BACH2: variants seen among roughly 807,000 people sequenced by gnomAD.
BACH2 encodes the protein transcription regulator protein BACH2.
A neutral mutation model predicts 61.8 loss-of-function variants in BACH2; 5 were observed. The observed-to-expected ratio is 0.08, with a 90% CI of 0.04 to 0.17. BACH2 has a LOEUF of 0.17. Among genes scored for constraint, BACH2 ranks in the 10% least tolerant of loss-of-function variants. BACH2 has a pLI of 1.00. For missense variants in BACH2, 824 were observed against 1,091.1 expected (o/e 0.76, Z 3.45); for synonymous variants, 446 against 440.1 (o/e 1.01, Z -0.17).
At chr6:90,230,388 T>C (rs529221680) in intron 3 of BACH2, among the ~76,000 whole-genome samples, 3 of 152,296 alleles carry the variant, frequency 2.0e-5, no homozygotes, top group Admixed American at 6.5e-5. Flanking sequence ...TGTGAATATG[T>C]CCTAAGGATT....
rs1306573377 is a variant in BACH2 at position 89,931,074 on chromosome 6, A to C, written c.*1334T>G. The stretch of plus-strand genomic sequence containing the variant: ...AGGGGAGCAGGTCCTACTGCACAAC[A>C]CTTCCAAGAGCAAGCCGAGGCCTCA... On this transcript the variant is annotated 3_prime_UTR_variant, in exon 9 of 9. Transcript: ENST00000257749. The C allele has an allele frequency of 6.6e-6, 1 of 152,396 alleles. No individual in the cohort carries two copies. Among genetic ancestry groups the C allele is most frequent in the Non-Finnish European group, 1.5e-5 (1 of 68,070 alleles). The allele number at this position is 152,396 out of a possible 1,614,324, so 9.4% of individuals were successfully genotyped here.
intron 5 of BACH2, among the ~76,000 whole-genome samples, chr6:90,076,260 G>C (rs762937787): frequency 6.6e-6 from 1 of 152,022 alleles, no homozygotes; most frequent in African/African-American, 2.4e-5. Context: ...GAGCGAATGA[G>C]GATTAAATCT....
At chr6:90,056,576 T>C (rs1438651999) in intron 5 of BACH2, among the ~76,000 whole-genome samples, 3 of 151,906 alleles carry the variant, frequency 2.0e-5, no homozygotes, top group Admixed American at 1.3e-4. Flanking sequence ...GACAGAAAGT[T>C]AACAAGGATA....
At position 90,136,917 on chromosome 6, in the gene BACH2, G is replaced by A. The variant is rs890298528; in HGVS notation, c.-161-47808C>T. Among the ~76,000 whole-genome samples, 5 of 151,782 alleles carry A rather than the reference G, an allele frequency of 3.3e-5. 1 individual carries two copies. The South Asian group carries it at 6.2e-4, about 19-fold the overall frequency. On this transcript the variant is annotated intron_variant, in intron 4 of 8. Transcript: ENST00000257749. ...ATGTGAGAAAGACTTGGACTTATGT[G>A]AAGAAGCTAACAGATGTGCAAAAAT...
intron 4 of BACH2, among the ~76,000 whole-genome samples, chr6:90,205,275 C>A (rs573136333): frequency 1.3e-5 from 2 of 152,312 alleles, no homozygotes; most frequent in Non-Finnish European, 2.9e-5. Flanking sequence ...ACAATCCATA[C>A]AACAGGCCCA....
At chr6:90,124,349 A>C (rs1450991590) in intron 4 of BACH2, among the ~76,000 whole-genome samples, 1 of 152,240 alleles carries the variant, frequency 6.6e-6, no homozygotes, top group Non-Finnish European at 1.5e-5. Context: ...CAGATTCACC[A>C]TCTCAGGAAA....
In BACH2 at chr6:90,013,006, T is replaced by C. The variant is rs555131197; in HGVS notation, c.-12-4150A>G. Among the ~76,000 whole-genome samples, 8 of 152,316 alleles carry C rather than the reference T, an allele frequency of 5.3e-5. No individual in the cohort carries two copies. The South Asian group carries it at 1.7e-3, about 32-fold the overall frequency. On this transcript the variant is annotated intron_variant, in intron 5 of 8. Transcript: ENST00000257749. ...GGTCTTTTATACCTCTTTTGTCAGATTTATACCTAAGTATGAATATTTTTG... is the reference window on the plus strand; with the variant it reads ...GGTCTTTTATACCTCTTTTGTCAGACTTATACCTAAGTATGAATATTTTTG...
At chr6:90,242,685 C>A (rs750834260) in intron 3 of BACH2, among the ~76,000 whole-genome samples, 1 of 152,176 alleles carries the variant, frequency 6.6e-6, no homozygotes, top group Non-Finnish European at 1.5e-5. Context: ...TTGTACCAAT[C>A]TATCATTTTC....
At chr6:90,219,523 C>G (rs1330180211) in intron 3 of BACH2, among the ~76,000 whole-genome samples, 5 of 152,190 alleles carry the variant, frequency 3.3e-5, no homozygotes, top group Non-Finnish European at 5.9e-5. Context: ...GAATTCTCTG[C>G]CATTCATCAC....
chr6:90,134,428 G>A (rs1397825547), intron 4 of BACH2, among the ~76,000 whole-genome samples: 1 of 152,194 alleles, frequency 6.6e-6, no homozygotes, highest in Non-Finnish European at 1.5e-5. Context: ...GAAGAGTGAT[G>A]AAGGCTGACA....
In BACH2 at chr6:90,123,577, C is replaced by T. The variant is rs538309637; in HGVS notation, c.-161-34468G>A. Among the ~76,000 whole-genome samples the T allele has an allele frequency of 6.0e-3, 914 of 151,344 alleles. 5 individuals are homozygous for T. Among genetic ancestry groups the T allele is most frequent in the African/African-American group, 0.021 (868 of 41,210 alleles). On this transcript the variant is annotated intron_variant, in intron 4 of 8. Transcript: ENST00000257749. ...CGAGGTCAGGAGATCGAGACCATCC[C>T]AGCTAAAACGGTGAAACCCCGTCTC...
At chr6:90,100,907 C>A (rs1460749339) in intron 4 of BACH2, among the ~76,000 whole-genome samples, 1 of 152,132 alleles carries the variant, frequency 6.6e-6, no homozygotes, top group Non-Finnish European at 1.5e-5. Context: ...ACATCCTCAC[C>A]AACACTTATT....
intron 5 of BACH2, among the ~76,000 whole-genome samples, chr6:90,071,766 A>C (rs1448160697): frequency 6.6e-6 from 1 of 152,226 alleles, no homozygotes; most frequent in Non-Finnish European, 1.5e-5. Flanking sequence ...TGAAAGCCTC[A>C]CTGATAACAT....
chr6:90,006,963 G>A (rs1011873768), intron 6 of BACH2, among the ~76,000 whole-genome samples: 1 of 152,176 alleles, frequency 6.6e-6, no homozygotes, highest in Non-Finnish European at 1.5e-5. Context: ...CTCAGCAGGG[G>A]TAATAGCAGA....
chr6:90,119,264 T>C (rs921197963), intron 4 of BACH2, among the ~76,000 whole-genome samples: 2 of 152,224 alleles, frequency 1.3e-5, no homozygotes, highest in African/African-American at 2.4e-5. Context: ...GATTCAGTCA[T>C]GATTCTTCCA....
chr6:89,968,354 T>C (rs1775157580), intron 6 of BACH2, among the ~76,000 whole-genome samples: 2 of 152,240 alleles, frequency 1.3e-5, no homozygotes, highest in Non-Finnish European at 2.9e-5. Flanking sequence ...TGATTAGAAA[T>C]TCCTCAAAGT....
intron 1 of BACH2, among the ~76,000 whole-genome samples, chr6:90,281,501 T>A (rs1771857294): frequency 6.6e-6 from 1 of 152,184 alleles, no homozygotes; most frequent in Non-Finnish European, 1.5e-5. Flanking sequence ...CCCTTCTCTA[T>A]CATACCCACT....
At chr6:90,044,184 T>G (rs187334165) in intron 5 of BACH2, among the ~76,000 whole-genome samples, 5 of 152,002 alleles carry the variant, frequency 3.3e-5, no homozygotes, top group Admixed American at 1.3e-4. Flanking sequence ...AGGAAAAAAA[T>G]AAGGCAGGGC....
chr6:90,289,144 A>G (rs1772109253), intron 1 of BACH2, among the ~76,000 whole-genome samples: 1 of 152,242 alleles, frequency 6.6e-6, no homozygotes, highest in Non-Finnish European at 1.5e-5. Flanking sequence ...TCAACAAAAC[A>G]TCCAATATTT....
Sources: allele counts gnomAD v4.1 joint callset (sites outside exome capture counted in the v4.1 genomes callset), GRCh38; gene constraint gnomAD v4.1.1; transcripts MANE v1.5; gene names NCBI Gene and HGNC (gene_info 2026-07-23, HGNC 2026-07-21).